Variants in KALRN observed in about 807,000 individuals in gnomAD.
The protein encoded by KALRN is kalirin.
KALRN carries 70 observed loss-of-function variants against 353.7 expected under a neutral mutation model. That is an observed-to-expected ratio of 0.20 (90% CI 0.16 to 0.24). The LOEUF (loss-of-function observed/expected upper bound fraction) is 0.24. KALRN is among the 10% of genes least tolerant of loss of function. The pLI is 1.00. For missense variants in KALRN, 2,791 were observed against 3,756.7 expected, an observed-to-expected ratio of 0.74 and a Z score of 6.72; for synonymous variants, 1,391 against 1,434.8, an observed-to-expected ratio of 0.97 and a Z score of 0.69.
At chr3:124,549,066 A>G (rs1057150443) in intron 33 of KALRN, among the ~76,000 whole-genome samples, 10 of 152,296 alleles carry the variant, frequency 6.6e-5, no homozygotes, top group African/African-American at 2.4e-4. Flanking sequence ...CGAGGAACTG[A>G]AGCTTAGAAA....
In KALRN at chr3:124,693,844, G is replaced by T. The variant is rs16835881; in HGVS notation, c.7405+13G>T. 169,061 of 1,537,966 alleles carry T rather than the reference G, an allele frequency of 0.11. 9,983 individuals carry two copies. The highest frequency in any genetic ancestry group is 0.16 in the African/African-American group (11,878 of 72,204). On this transcript the variant is annotated intron_variant, in intron 52 of 59. Coordinates refer to ENST00000682506, the MANE Select transcript of KALRN (RefSeq NM_001388419.1). ...TTCATCCAAGAAGGTGAGTTAAAAA[G>T]CATTAGAATTGGAAACATGGGGATT...
chr3:124,686,264 A>G (rs2061552900), intron 51 of KALRN, among the ~76,000 whole-genome samples: 1 of 152,212 alleles, frequency 6.6e-6, no homozygotes, highest in South Asian at 2.1e-4. Context: ...ACTACTTAGC[A>G]GTCTTTCCTG....
intron 34 of KALRN, among the ~76,000 whole-genome samples, chr3:124,629,179 A>G (rs920752604): frequency 1.3e-5 from 2 of 152,144 alleles, no homozygotes; most frequent in Non-Finnish European, 2.9e-5. Context: ...TGATGATGAG[A>G]AGCATCAGCA....
intron 1 of KALRN, among the ~76,000 whole-genome samples, chr3:124,186,192 C>A (rs2074211813): frequency 6.6e-6 from 1 of 152,134 alleles, no homozygotes; most frequent in South Asian, 2.1e-4. Flanking sequence ...AACAGCAATG[C>A]CCTTAGAATA....
chr3:124,209,218 G>A (rs985749685), intron 1 of KALRN, among the ~76,000 whole-genome samples: 2 of 151,916 alleles, frequency 1.3e-5, no homozygotes, highest in African/African-American at 4.8e-5. Flanking sequence ...TAGAACTCAT[G>A]TCTGGGCCAG....
chr3:124,427,306 G>A (rs57040513), intron 15 of KALRN, among the ~76,000 whole-genome samples: 2,196 of 152,318 alleles, frequency 0.014, 74 homozygotes, highest in East Asian at 0.076. Context: ...TAGAAGTAAG[G>A]AACACTGGAC....
chr3:124,330,870 G>T (rs1259188661), intron 8 of KALRN, among the ~76,000 whole-genome samples: 1 of 152,198 alleles, frequency 6.6e-6, no homozygotes, highest in Non-Finnish European at 1.5e-5. Context: ...ACCTGATACA[G>T]ATTCCTGGGT....
At chr3:124,704,487 A>G (rs2062500516) in intron 57 of KALRN, among the ~76,000 whole-genome samples, 1 of 152,198 alleles carries the variant, frequency 6.6e-6, no homozygotes. Flanking sequence ...TTTTCAGAAG[A>G]TCTTTTCAAA....
intron 1 of KALRN, among the ~76,000 whole-genome samples, chr3:124,202,271 G>T (rs2076007081): frequency 6.6e-6 from 1 of 152,090 alleles, no homozygotes; most frequent in South Asian, 2.1e-4. Context: ...GTTTTTTTGA[G>T]ACTGGGTCTC....
chr3:124,180,811 G>A (rs537960341), intron 1 of KALRN, among the ~76,000 whole-genome samples: 10 of 152,022 alleles, frequency 6.6e-5, no homozygotes, highest in Non-Finnish European at 1.3e-4. Flanking sequence ...CCTTGCCCAC[G>A]TTTATTCATC....
At chr3:124,228,258 A>G (rs2078791679) in intron 2 of KALRN, among the ~76,000 whole-genome samples, 194 bp downstream of exon 2, 1 of 152,162 alleles carries the variant, frequency 6.6e-6, no homozygotes, top group Non-Finnish European at 1.5e-5. Flanking sequence ...AGTGTTCTAA[A>G]GGACACCCAG....
chr3:124,120,738 A>T (rs1271298565), intron 1 of KALRN, among the ~76,000 whole-genome samples: 3 of 144,454 alleles, frequency 2.1e-5, no homozygotes, highest in African/African-American at 7.9e-5. Context: ...ATATATATAT[A>T]TATATATTTT....
rs371306814 is a variant in KALRN at position 124,264,545 on chromosome 3, G to T, written c.311G>T (p.Gly104Val). Residue 104 changes from glycine to valine, a missense_variant, in exon 4 of 60, where the codon GGC becomes GTC. Gly to Val is a moderately radical substitution (Grantham distance 109). This residue lies in a region of KALRN where 110 missense variants were observed against 204.1 expected (regional missense o/e 0.54). Coordinates refer to ENST00000682506, the MANE Select transcript of KALRN (RefSeq NM_001388419.1). ...RGFTVIIDMRGSKWDLIKPLL... is the reference protein window; with the variant it reads ...RGFTVIIDMRVSKWDLIKPLL... ...TTCACTGTCATCATCGACATGCGGG[G>T]CTCCAAGTGGGACCTCATCAAGCCC... is the stretch of plus-strand genomic sequence containing the variant. 2 of 1,614,086 alleles carry T rather than the reference G, an allele frequency of 1.2e-6. No individual in the cohort carries two copies. Among genetic ancestry groups the T allele is most frequent in the Non-Finnish European group, 1.7e-6 (2 of 1,180,000 alleles).
At chr3:124,294,314 AGT>A (rs1459450907) in intron 5 of KALRN, among the ~76,000 whole-genome samples, 4 of 151,982 alleles carry the variant, frequency 2.6e-5, no homozygotes. Context: ...GTGGGCACTC[AGT>A]GAATGTAGCC....
chr3:124,289,529 C>T (rs1175817600), intron 5 of KALRN, among the ~76,000 whole-genome samples: 1 of 152,112 alleles, frequency 6.6e-6, no homozygotes, highest in African/African-American at 2.4e-5. Context: ...ATTATGGCAT[C>T]TGTTACTTCA....
At chr3:124,278,998 G>T (rs2075072502) in intron 5 of KALRN, among the ~76,000 whole-genome samples, 5 of 152,160 alleles carry the variant, frequency 3.3e-5, no homozygotes, top group Admixed American at 2.6e-4. Context: ...TGACCTTCTT[G>T]GTCCCTGTCC....
At chr3:124,247,109 C>G (rs958798532) in intron 3 of KALRN, among the ~76,000 whole-genome samples, 12 of 152,162 alleles carry the variant, frequency 7.9e-5, no homozygotes, top group African/African-American at 2.7e-4. Context: ...TACGGACACT[C>G]TATGTTACGA....
At chr3:124,139,421 G>A (rs1239227671) in intron 1 of KALRN, among the ~76,000 whole-genome samples, 1 of 152,160 alleles carries the variant, frequency 6.6e-6, no homozygotes, top group Non-Finnish European at 1.5e-5. Flanking sequence ...GTGTTTTAAT[G>A]CATTCATTTC....
chr3:124,454,027 T>C (rs895155549), intron 21 of KALRN, among the ~76,000 whole-genome samples: 2 of 152,220 alleles, frequency 1.3e-5, no homozygotes, highest in African/African-American at 4.8e-5. Flanking sequence ...CAAGTAGGTA[T>C]TGAACAAACT....
Sources: allele counts gnomAD v4.1 joint callset (sites outside exome capture counted in the v4.1 genomes callset), GRCh38; gene constraint gnomAD v4.1.1; regional missense constraint gnomAD v4.1.1; transcripts MANE v1.5; gene names NCBI Gene and HGNC (gene_info 2026-07-23, HGNC 2026-07-21).